The following DMD variants were observed in gnomAD, a reference collection of about 807,000 sequenced individuals.
DMD encodes dystrophin, also known as mutant dystrophin.
A neutral mutation model predicts 330.1 loss-of-function variants in DMD; 63 were observed. That is an observed-to-expected ratio of 0.19 (90% confidence interval 0.16 to 0.24). DMD has a LOEUF of 0.24. Ranked by LOEUF, DMD falls within the 10% of genes least tolerant of loss-of-function variation. DMD has a pLI of 1.00. For missense variants in DMD, 3,344 were observed against 2,684.1 expected (o/e 1.25, Z -5.43); for synonymous variants, 1,223 against 959.8 (o/e 1.27, Z -5.07).
At chrX:33,073,701 G>A (rs1254405361) in intron 1 of DMD, among the ~76,000 whole-genome samples, 3 of 110,049 alleles carry the variant, frequency 2.7e-5, no homozygotes, top group Non-Finnish European at 3.8e-5. Context: ...GCTTGGTGGC[G>A]GGTGCCCGTA....
rs745557877 is a variant in DMD, at chrX:32,712,103, C to G, written c.650-12810G>C. On this transcript the variant is annotated intron_variant, in intron 7 of 78. Coordinates refer to ENST00000357033, the MANE Select transcript of DMD (RefSeq NM_004006.3). ...ACATGTATATATACAATGTGAACTT[C>G]AAAATTAATTTCAGTAATGCATGTA... Among the ~76,000 whole-genome samples the G allele has an allele frequency of 4.8e-3, 538 of 111,850 alleles. 12 individuals carry two copies. Among genetic ancestry groups the G allele is most frequent in the African/African-American group, 0.017 (511 of 30,874 alleles).
chrX:33,306,890 G>T (rs2148944327), intron 1 of DMD, among the ~76,000 whole-genome samples: 1 of 111,636 alleles, frequency 9.0e-6, no homozygotes, highest in East Asian at 2.8e-4. Context: ...TGGACAAGTT[G>T]TTTATCCCCA....
At chrX:32,369,713 A>C (rs979457672) in intron 34 of DMD, among the ~76,000 whole-genome samples, 13 of 110,904 alleles carry the variant, frequency 1.2e-4, no homozygotes, top group Non-Finnish European at 1.7e-4. Context: ...AGGGACTTAT[A>C]TTCTTAAGAT....
At chrX:32,876,862 C>T (rs1603451867) in intron 2 of DMD, among the ~76,000 whole-genome samples, 2 of 112,261 alleles carry the variant, frequency 1.8e-5, no homozygotes, top group East Asian at 5.6e-4. Flanking sequence ...AAACTACTTA[C>T]ACTATTACTT....
rs147822019 is a variant in DMD, at chrX:32,565,760, T to C, written c.1934A>G (p.Asp645Gly). Residue 645 changes from aspartate (D) to glycine (G), a missense_variant, in exon 16 of 79, where the codon GAT becomes GGT. Transcript: ENST00000357033. ...SVTQKTEAWLDNFARCWDNLV... is the reference protein window; with the variant it reads ...SVTQKTEAWLGNFARCWDNLV... ...ATTATCCCAACACCGGGCAAAGTTA[T>C]CCAGCCATGCTTCCGTCTTCTGGGT... 2.2e-4 allele frequency: 262 copies of C among 1,210,165 alleles called. No individual in the cohort carries two copies. Among genetic ancestry groups the C allele is most frequent in the Middle Eastern group, 2.3e-4 (1 of 4,355 alleles).
chrX:33,063,892 C>T lies in DMD; in HGVS notation c.32-43692G>A, dbSNP rs188503961. On this transcript the variant is annotated intron_variant, in intron 1 of 78. Coordinates refer to ENST00000357033, the MANE Select transcript of DMD (RefSeq NM_004006.3). ...ATGTACTCTCATACTTTCCACTTCA[C>T]GCACTAGCACTTGTTCCCTGTACCT... Among the ~76,000 whole-genome samples the T allele has an allele frequency of 1.8e-3, 200 of 111,880 alleles. 4 individuals carry two copies. Among genetic ancestry groups the T allele is most frequent in the Admixed American group, 5.0e-3 (52 of 10,494 alleles).
intron 44 of DMD, among the ~76,000 whole-genome samples, chrX:32,153,625 A>T (rs2096816443): frequency 8.9e-6 from 1 of 112,187 alleles, no homozygotes; most frequent in African/African-American, 3.2e-5. Context: ...GAACTTCACA[A>T]CCAAGACTAT....
At chrX:32,473,810 G>A (rs1200662162) in intron 21 of DMD, among the ~76,000 whole-genome samples, 6 of 110,918 alleles carry the variant, frequency 5.4e-5, no homozygotes, top group Non-Finnish European at 1.1e-4. Flanking sequence ...TAAATAATAT[G>A]TTTCTCTATT....
In DMD at chrX:32,370,487, T is replaced by A. The variant is rs149512268; in HGVS notation, c.4846-5288A>T. Among the ~76,000 whole-genome samples the A allele has an allele frequency of 5.5e-3, 613 of 111,208 alleles. 4 individuals are homozygous for A. The highest frequency in any genetic ancestry group is 0.019 in the African/African-American group (580 of 30,753). On this transcript the variant is annotated intron_variant, in intron 34 of 78. Coordinates refer to ENST00000357033, the MANE Select transcript of DMD (RefSeq NM_004006.3). ...TGACTTTTTAATAACACTGTATTGTTTATTAAAGAAGAATTTCATGAAAGC... is the reference window on the plus strand; with the variant it reads ...TGACTTTTTAATAACACTGTATTGTATATTAAAGAAGAATTTCATGAAAGC...
intron 61 of DMD, among the ~76,000 whole-genome samples, chrX:31,347,050 C>CAGTTAGGG (rs1450401621): frequency 8.5e-5 from 5 of 58,933 alleles, no homozygotes; most frequent in Admixed American, 2.2e-4. Flanking sequence ...AGGATGCAAA[C>CAGTTAGGG]AGTTAGGGAA....
intron 17 of DMD, among the ~76,000 whole-genome samples, chrX:32,524,018 C>T (rs1245265940): frequency 1.9e-5 from 2 of 107,164 alleles, no homozygotes; most frequent in Admixed American, 9.9e-5. Flanking sequence ...CTGCAAGCTC[C>T]GCCTCCCAGG....
chrX:31,280,920 G>A (rs767189963), intron 62 of DMD, among the ~76,000 whole-genome samples: 5 of 111,763 alleles, frequency 4.5e-5, no homozygotes, highest in South Asian at 7.4e-4. Context: ...TCAAAGTGGC[G>A]GATTTTATTT....
chrX:31,757,735 CT>C lies in DMD; in HGVS notation c.7542+16224del, dbSNP rs754613387. Among the ~76,000 whole-genome samples the C allele has an allele frequency of 4.5e-5, 5 of 110,378 alleles. No homozygotes were observed. In the South Asian group the frequency reaches 2.0e-3, roughly 44 times the overall value. Reference sequence around the variant, plus strand: ...AACCCCCACCTTCTAATACCATCACCTTGAGTGTTAGGTTTCAACATACACA... The same window carrying C: ...AACCCCCACCTTCTAATACCATCACCTGAGTGTTAGGTTTCAACATACACA... On this transcript the variant is annotated intron_variant, in intron 51 of 78. Coordinates refer to ENST00000357033, the MANE Select transcript of DMD (RefSeq NM_004006.3).
intron 74 of DMD, among the ~76,000 whole-genome samples, chrX:31,151,784 T>C (rs1400696243): frequency 9.0e-6 from 1 of 111,673 alleles, no homozygotes; most frequent in African/African-American, 3.3e-5. Flanking sequence ...TGGAAGATTC[T>C]CAGCTATGAC....
intron 13 of DMD, among the ~76,000 whole-genome samples, chrX:32,582,302 C>G (rs956254139): frequency 4.5e-5 from 5 of 111,136 alleles, no homozygotes; most frequent in African/African-American, 1.3e-4. Context: ...GTAAATGTAG[C>G]ATGGTACCTG....
At chrX:33,009,922 G>A (rs201824041) in intron 2 of DMD, among the ~76,000 whole-genome samples, 2 of 56,566 alleles carry the variant, frequency 3.5e-5, no homozygotes, top group African/African-American at 6.9e-5. Flanking sequence ...GTATATGTGT[G>A]TATACACATG....
intron 7 of DMD, among the ~76,000 whole-genome samples, chrX:32,729,943 T>C (rs1293629684): frequency 8.9e-6 from 1 of 112,001 alleles, no homozygotes; most frequent in Non-Finnish European, 1.9e-5. Flanking sequence ...ATGACCATGG[T>C]CCAGGAGGTA....
intron 44 of DMD, among the ~76,000 whole-genome samples, chrX:32,120,281 C>A (rs1265365198): frequency 1.8e-5 from 2 of 112,026 alleles, no homozygotes; most frequent in Admixed American, 9.5e-5. Flanking sequence ...TCAAGGCCAG[C>A]AGCATCAGCA....
rs202203420 is a variant in DMD, at chrX:32,438,206, A to T, written c.4071+35T>A. The T allele has an allele frequency of 3.5e-5, 42 of 1,197,506 alleles. No individual in the cohort carries two copies. The Admixed American group carries it at 6.6e-4, about 19-fold the overall frequency. On this transcript the variant is annotated intron_variant, in intron 29 of 78. Coordinates refer to ENST00000357033, the MANE Select transcript of DMD (RefSeq NM_004006.3). ...CTGTATCTGCTATACATTAATGCAA[A>T]TTAGATTAAAGAGATTTTTCACTTA...
Sources: gnomAD v4.1 joint callset for allele counts (sites outside exome capture counted in the v4.1 genomes callset) on GRCh38, gnomAD v4.1.1 for gene constraint, MANE v1.5 for transcripts, NCBI Gene and HGNC (gene_info 2026-07-23, HGNC 2026-07-21) for gene names.